ABCB11: variants seen among roughly 807,000 people sequenced by gnomAD.
The protein encoded by ABCB11 is ATP binding cassette subfamily B member 11.
In ABCB11, 95 loss-of-function variants were observed where a neutral mutation model predicts 148.0. That is an observed-to-expected ratio of 0.64 (90% confidence interval 0.54 to 0.76). ABCB11 has a LOEUF of 0.76. Ranked by LOEUF, ABCB11 falls within the 30% of genes least tolerant of loss-of-function variation. The probability of loss-of-function intolerance (pLI) is 0.00; values close to 1 mark genes in which losing one functional copy is unlikely to be tolerated. For missense variants in ABCB11, 1,523 were observed against 1,617.8 expected (o/e 0.94, Z 1.01); for synonymous variants, 591 against 555.4 (o/e 1.06, Z -0.90).
intron 5 of ABCB11, among the ~76,000 whole-genome samples, chr2:169,007,185 C>T (rs373555544): frequency 2.0e-5 from 3 of 151,758 alleles, no homozygotes; most frequent in South Asian, 2.1e-4. Flanking sequence ...ATTGAGAGTC[C>T]ACAAATAAAC....
In ABCB11 at chr2:168,972,133, G is replaced by C. The variant is rs185550296; in HGVS notation, c.1435-83C>G. ...AATATTATGTCATACTTGACCAATG[G>C]GCAGAAAAAATAGAGGCCAATAAGA... On this transcript the variant is annotated intron_variant, in intron 13 of 27. Coordinates refer to ENST00000650372, the MANE Select transcript of ABCB11 (RefSeq NM_003742.4). 1.2e-5 allele frequency: 16 copies of C among 1,312,300 alleles called. No homozygotes were observed. In the African/African-American group the frequency reaches 1.9e-4, roughly 16 times the overall value. The allele number at this position is 1,312,300 out of a possible 1,614,324, so 81.3% of individuals were successfully genotyped here.
downstream of ABCB11, among the ~76,000 whole-genome samples, chr2:168,919,832 T>C (rs1691023878): frequency 6.6e-6 from 1 of 151,998 alleles, no homozygotes; most frequent in Non-Finnish European, 1.5e-5. Context: ...TCATTATAGT[T>C]CTTTTGTGTG....
intron 5 of ABCB11, among the ~76,000 whole-genome samples, chr2:169,005,315 G>A (rs1308555485): frequency 6.6e-6 from 1 of 152,128 alleles, no homozygotes; most frequent in Non-Finnish European, 1.5e-5. Context: ...AGACCACCAT[G>A]TAGGGGCAGG....
At chr2:168,936,002 T>C (rs937003353) in intron 22 of ABCB11, among the ~76,000 whole-genome samples, 9 of 152,188 alleles carry the variant, frequency 5.9e-5, no homozygotes, top group Non-Finnish European at 1.0e-4. Context: ...CAGGCAATCC[T>C]GTGTTCACTC....
At chr2:168,976,251 G>T (rs4148784) in intron 12 of ABCB11, among the ~76,000 whole-genome samples, 7 of 151,394 alleles carry the variant, frequency 4.6e-5, no homozygotes, top group African/African-American at 9.7e-5. Flanking sequence ...CCTGATTGTT[G>T]TAATTGCCTT....
At chr2:168,977,917 G>A (rs995838031) in intron 11 of ABCB11, among the ~76,000 whole-genome samples, 1 of 152,122 alleles carries the variant, frequency 6.6e-6, no homozygotes, top group Non-Finnish European at 1.5e-5. Context: ...TACAGTTCAA[G>A]ATAAGATTTG....
At chr2:168,977,441 G>A (rs1638976022) in intron 11 of ABCB11, among the ~76,000 whole-genome samples, 1 of 152,062 alleles carries the variant, frequency 6.6e-6, no homozygotes, top group African/African-American at 2.4e-5. Flanking sequence ...ACTTTCAATT[G>A]TTGTCCTGAA....
Position 169,023,731 on chromosome 2 carries a change from C to T in ABCB11, c.-27-5579G>A, listed in dbSNP as rs538135143. Reference sequence around the variant, plus strand: ...TGTAATGTTCGTAGATATATAGATACGCAGTAGAAATATAAAGACTTACCT... The same window carrying T: ...TGTAATGTTCGTAGATATATAGATATGCAGTAGAAATATAAAGACTTACCT... On this transcript the variant is annotated intron_variant, in intron 1 of 27. Coordinates refer to ENST00000650372, the MANE Select transcript of ABCB11 (RefSeq NM_003742.4). 2.6e-5 allele frequency among the ~76,000 whole-genome samples: 4 copies of T among 152,160 alleles called. No homozygotes were observed. In the South Asian group the frequency reaches 6.2e-4, roughly 24 times the overall value.
chr2:168,935,509 G>T, intron 22 of ABCB11, 84 bp from the exon 23 acceptor site: 2 of 1,497,434 alleles, frequency 1.3e-6, no homozygotes, highest in Admixed American at 2.0e-5. Context: ...GGATTAGATG[G>T]TGCAAATGGC....
chr2:169,019,667 A>T (rs536167138), intron 1 of ABCB11, among the ~76,000 whole-genome samples: 1 of 152,326 alleles, frequency 6.6e-6, no homozygotes, highest in Admixed American at 6.5e-5. Flanking sequence ...TGTGTTGTTC[A>T]AGAATCAAAC....
chr2:168,951,969 A>G (rs189838659), intron 19 of ABCB11, among the ~76,000 whole-genome samples: 58 of 151,770 alleles, frequency 3.8e-4, no homozygotes, highest in African/African-American at 1.4e-3. Context: ...AATTTTGTTG[A>G]ATGTTTTTTC....
At chr2:169,001,118 T>A (rs62171039) in intron 5 of ABCB11, among the ~76,000 whole-genome samples, 11,482 of 152,196 alleles carry the variant, frequency 0.075, 519 homozygotes, top group East Asian at 0.21. Context: ...ACCTCTACTC[T>A]CCTTCGTTAA....
chr2:168,984,053 T>A (rs1452071875), intron 10 of ABCB11, among the ~76,000 whole-genome samples: 1 of 150,870 alleles, frequency 6.6e-6, no homozygotes, highest in African/African-American at 2.4e-5. Context: ...AATGGGTGAG[T>A]GTAAAAGGCC....
At chr2:168,924,091 G>A (rs547264107) in intron 27 of ABCB11, among the ~76,000 whole-genome samples, 1 of 152,308 alleles carries the variant, frequency 6.6e-6, no homozygotes, top group African/African-American at 2.4e-5. Flanking sequence ...TGATGGTCTA[G>A]TTTCCTGAAA....
intron 14 of ABCB11, chr2:168,970,472 C>T (rs1015446616): frequency 2.3e-5 from 22 of 958,156 alleles, no homozygotes; most frequent in Non-Finnish European, 3.1e-5. Context: ...AGCTCAACTT[C>T]AAATAAGATT....
In ABCB11 at chr2:168,936,671, C is replaced by T. The variant is rs1574406979; in HGVS notation, c.2611-238G>A. On this transcript the variant is annotated intron_variant, in intron 21 of 27. Transcript: ENST00000650372. ...CAACAAAAACTCTGTATCCATTAAA[C>T]AATAACCTCCCTTTCTTCTCTCTCC... 2.0e-5 allele frequency among the ~76,000 whole-genome samples: 3 copies of T among 152,240 alleles called. No homozygotes were observed. The East Asian group carries it at 5.8e-4, about 29-fold the overall frequency.
chr2:168,936,324 A>C lies in ABCB11; in HGVS notation c.2720T>G (p.Phe907Cys). 6.2e-7 allele frequency: 1 copy of C among 1,613,998 alleles called. No homozygotes were observed. The highest frequency in any genetic ancestry group is 1.6e-4 in the Middle Eastern group (1 of 6,062). Residue 907 changes from phenylalanine to cysteine, a missense_variant, in exon 22 of 28, where the codon TTC becomes TGC. Phe to Cys is a radical substitution (Grantham distance 205). Coordinates refer to ENST00000650372, the MANE Select transcript of ABCB11 (RefSeq NM_003742.4). ...TCCTGATAAAGCCAAGAAGGGGAAG[A>C]AGCACAAGATGACCAGGCTCAGCTT... The part of the protein sequence containing the change: ...SWKLSLVILC[F>C]FPFLALSGAT...
chr2:168,923,556 G>T lies in ABCB11; in HGVS notation c.*66C>A. On this transcript the variant is annotated 3_prime_UTR_variant, in exon 28 of 28. Transcript: ENST00000650372. ...CCCAGCAATCCCTCCTGCTGGGATT[G>T]TTTTTTTCTTTAAAAACAACCCCTG... is the stretch of plus-strand genomic sequence containing the variant. 6.7e-7 allele frequency: 1 copy of T among 1,481,926 alleles called. No homozygotes were observed. The highest frequency in any genetic ancestry group is 9.4e-7 in the Non-Finnish European group (1 of 1,063,744). The allele number at this position is 1,481,926 out of a possible 1,614,324, so 91.8% of individuals were successfully genotyped here.
At chr2:168,916,539 G>C (rs533243290), downstream of ABCB11, among the ~76,000 whole-genome samples, 4 of 152,318 alleles carry the variant, frequency 2.6e-5, no homozygotes, top group Non-Finnish European at 4.4e-5. Flanking sequence ...GTGCTAATTA[G>C]ATGATAATCA....
Sources: gnomAD v4.1 joint callset for allele counts (sites outside exome capture counted in the v4.1 genomes callset) on GRCh38, gnomAD v4.1.1 for gene constraint, MANE v1.5 for transcripts, NCBI Gene and HGNC (gene_info 2026-07-23, HGNC 2026-07-21) for gene names.